CLVS1: variants seen among roughly 807,000 people sequenced by gnomAD.
CLVS1 encodes clavesin 1, also known as clavesin-1.
CLVS1 carries 10 observed loss-of-function variants against 33.1 expected under a neutral mutation model. That is an observed-to-expected ratio of 0.30 (90% confidence interval 0.19 to 0.51). The LOEUF (loss-of-function observed/expected upper bound fraction) is 0.51, where lower values mean the gene tolerates loss of function less well. CLVS1 is among the 20% of genes least tolerant of loss of function. CLVS1 has a pLI of 0.97. For missense variants in CLVS1, 343 were observed against 433.4 expected (o/e 0.79, Z 1.85); for synonymous variants, 163 against 166.1 (o/e 0.98, Z 0.14).
At chr8:61,063,260 C>CAA (rs1554530970) in intron 1 of CLVS1, among the ~76,000 whole-genome samples, 4 of 81,994 alleles carry the variant, frequency 4.9e-5, no homozygotes, top group Non-Finnish European at 8.6e-5. Context: ...AGTGAGGAAG[C>CAA]GAGAGAGAGA....
At chr8:61,050,538 C>T in the CLVS1 span, among the ~76,000 whole-genome samples, 1 of 152,230 alleles carries the variant, frequency 6.6e-6, no homozygotes, top group Admixed American at 6.5e-5. Context: ...AGCCCTGGCT[C>T]TTGTCTCTGG....
intron 2 of CLVS1, among the ~76,000 whole-genome samples, chr8:61,375,763 T>C (rs776824613): frequency 6.6e-6 from 1 of 152,170 alleles, no homozygotes; most frequent in Non-Finnish European, 1.5e-5. Flanking sequence ...AAACACTGAA[T>C]CTAGAGATCC....
At chr8:61,132,202 A>T (rs566507240) in intron 2 of CLVS1, among the ~76,000 whole-genome samples, 2 of 152,360 alleles carry the variant, frequency 1.3e-5, no homozygotes, top group South Asian at 4.1e-4. Context: ...CCTTAACTTT[A>T]AGCTCAACCC....
rs564468204 is a variant in CLVS1 at position 61,492,662 on chromosome 8, A to G, written c.978-6793A>G. ...TGAATATTTGGCTCACTCTAAAAAT[A>G]GTTTGCTTCAAAATAATAGAATATT... is the stretch of plus-strand genomic sequence containing the variant. On this transcript the variant is annotated intron_variant, in intron 5 of 5. Coordinates refer to ENST00000325897, the MANE Select transcript of CLVS1 (RefSeq NM_173519.3). Among the ~76,000 whole-genome samples the G allele has an allele frequency of 2.0e-5, 3 of 152,338 alleles. No individual in the cohort carries two copies. The South Asian group carries it at 6.2e-4, about 32-fold the overall frequency.
At chr8:61,023,377 A>G in the CLVS1 span, among the ~76,000 whole-genome samples, 261 of 152,352 alleles carry the variant, frequency 1.7e-3, 1 homozygote, top group African/African-American at 6.0e-3. Context: ...ACGGGGACAG[A>G]GTTCTCTGGC....
intron 1 of CLVS1, among the ~76,000 whole-genome samples, chr8:61,063,098 C>T (rs1804609894): frequency 2.0e-5 from 3 of 152,084 alleles, no homozygotes; most frequent in African/African-American, 7.2e-5. Flanking sequence ...CTCAAGGTCA[C>T]ACAACTAGAG....
chr8:61,349,930 G>A (rs373215529), intron 2 of CLVS1, among the ~76,000 whole-genome samples: 4 of 152,050 alleles, frequency 2.6e-5, no homozygotes, highest in Admixed American at 1.3e-4. Flanking sequence ...CTGCATCACC[G>A]AGGCACATGC....
intron 2 of CLVS1, among the ~76,000 whole-genome samples, chr8:61,176,384 A>G (rs1807112181): frequency 6.6e-6 from 1 of 152,202 alleles, no homozygotes; most frequent in Non-Finnish European, 1.5e-5. Flanking sequence ...AAGCCCAGCC[A>G]AGATTGACAA....
intron 3 of CLVS1, among the ~76,000 whole-genome samples, chr8:61,425,170 C>T (rs555702368): frequency 2.2e-4 from 33 of 152,228 alleles, no homozygotes; most frequent in Admixed American, 1.8e-3. Context: ...AACCTGTAGC[C>T]CATCTACCAA....
At chr8:61,194,784 C>T (rs2978510) in intron 2 of CLVS1, among the ~76,000 whole-genome samples, 1 of 151,538 alleles carries the variant, frequency 6.6e-6, no homozygotes, top group Non-Finnish European at 1.5e-5. Flanking sequence ...TCTTTTGAGG[C>T]TCATATGAAA....
chr8:61,397,002 T>C (rs1439402839), intron 3 of CLVS1, among the ~76,000 whole-genome samples: 2 of 152,210 alleles, frequency 1.3e-5, no homozygotes, highest in African/African-American at 4.8e-5. Flanking sequence ...TACATCCCTG[T>C]ACATATTTTT....
chr8:61,318,038 C>T (rs1433633939), intron 2 of CLVS1, among the ~76,000 whole-genome samples: 1 of 152,178 alleles, frequency 6.6e-6, no homozygotes, highest in African/African-American at 2.4e-5. Flanking sequence ...AGTAAACTCT[C>T]TTAACAACCT....
intron 1 of CLVS1, among the ~76,000 whole-genome samples, chr8:61,288,717 CAG>C (rs1462360327): frequency 2.0e-5 from 3 of 152,288 alleles, no homozygotes; most frequent in East Asian, 3.9e-4. Flanking sequence ...TCCAGAAAAA[CAG>C]AAATGTAAGC....
the CLVS1 span, among the ~76,000 whole-genome samples, chr8:61,017,908 C>T: frequency 1.3e-5 from 2 of 152,174 alleles, no homozygotes; most frequent in East Asian, 3.9e-4. Flanking sequence ...AATCTAGCCC[C>T]AATACGTCCT....
the CLVS1 span, among the ~76,000 whole-genome samples, chr8:61,042,909 G>A: frequency 6.6e-6 from 1 of 152,228 alleles, no homozygotes; most frequent in Non-Finnish European, 1.5e-5. Context: ...TGAGGCAAAT[G>A]TATACTGTAG....
At chr8:61,031,912 AGAAGAT>A in the CLVS1 span, among the ~76,000 whole-genome samples, 3 of 152,236 alleles carry the variant, frequency 2.0e-5, no homozygotes, top group African/African-American at 7.2e-5. Context: ...TTTACAATAA[AGAAGAT>A]AGAGAACTGA....
chr8:61,464,168 GGA>G (rs1817468774), intron 5 of CLVS1, among the ~76,000 whole-genome samples: 1 of 152,060 alleles, frequency 6.6e-6, no homozygotes, highest in African/African-American at 2.4e-5. Flanking sequence ...TCATGCTGTT[GGA>G]AAAATGGTGC....
intron 1 of CLVS1, among the ~76,000 whole-genome samples, chr8:61,059,922 G>A (rs1804554265): frequency 6.6e-6 from 1 of 152,126 alleles, no homozygotes; most frequent in African/African-American, 2.4e-5. Flanking sequence ...CAGATGTGAA[G>A]TATGCTACTT....
Position 61,443,598 on chromosome 8 carries a change from A to G in CLVS1, c.631-10543A>G, listed in dbSNP as rs148310658. Among the ~76,000 whole-genome samples, 1,029 of 152,234 alleles carry G rather than the reference A, an allele frequency of 6.8e-3. 7 individuals are homozygous for G. The highest frequency in any genetic ancestry group is 0.024 in the African/African-American group (977 of 41,534). On this transcript the variant is annotated intron_variant, in intron 3 of 5. Coordinates refer to ENST00000325897, the MANE Select transcript of CLVS1 (RefSeq NM_173519.3). ...GTCCTCTATTCTGTTCCCTTAATCT[A>G]TATATCTTTTCCTCCACAAATACCA... is the stretch of plus-strand genomic sequence containing the variant.
Sources: allele counts gnomAD v4.1 joint callset (sites outside exome capture counted in the v4.1 genomes callset), GRCh38; gene constraint gnomAD v4.1.1; transcripts MANE v1.5; gene names NCBI Gene and HGNC (gene_info 2026-07-23, HGNC 2026-07-21).